The following KIAA1328 variants were observed in gnomAD, a reference collection of about 807,000 sequenced individuals.
KIAA1328 encodes KIAA1328.
KIAA1328 carries 52 observed loss-of-function variants against 68.1 expected under a neutral mutation model. The ratio of observed to expected loss-of-function variants is 0.76; its 90% CI spans 0.61 to 0.96. KIAA1328 has a LOEUF of 0.96. Ranked by LOEUF, KIAA1328 falls within the 40% of genes least tolerant of loss-of-function variation. The probability of loss-of-function intolerance (pLI) is 0.00; values close to 1 mark genes in which losing one functional copy is unlikely to be tolerated. For missense variants in KIAA1328, 641 were observed against 677.6 expected, an observed-to-expected ratio of 0.95 and a Z score of 0.60; for synonymous variants, 232 against 239.4, an observed-to-expected ratio of 0.97 and a Z score of 0.28.
intron 6 of KIAA1328, among the ~76,000 whole-genome samples, chr18:37,043,677 A>G (rs2055350367): frequency 3.9e-5 from 6 of 152,180 alleles, no homozygotes; most frequent in South Asian, 2.1e-4. Context: ...ACTTTCTGCT[A>G]TTCCTTCTCA....
chr18:37,066,607 T>C (rs1236293601), intron 6 of KIAA1328, among the ~76,000 whole-genome samples: 1 of 152,218 alleles, frequency 6.6e-6, no homozygotes, highest in Non-Finnish European at 1.5e-5. Context: ...TAACTCTCTT[T>C]ATTTGCAACT....
chr18:37,028,225 A>G (rs1457570403), intron 6 of KIAA1328, among the ~76,000 whole-genome samples: 1 of 152,130 alleles, frequency 6.6e-6, no homozygotes, highest in African/African-American at 2.4e-5. Context: ...TGTGTGTTTT[A>G]TCATTCTTAT....
At chr18:36,980,313 C>T (rs554672644) in intron 6 of KIAA1328, among the ~76,000 whole-genome samples, 1 of 152,322 alleles carries the variant, frequency 6.6e-6, no homozygotes, top group Non-Finnish European at 1.5e-5. Flanking sequence ...ATGCACACTT[C>T]TCATGCTGCA....
downstream of KIAA1328, among the ~76,000 whole-genome samples, chr18:37,228,511 A>C (rs1662904): frequency 0.4 from 61,544 of 152,032 alleles, 14,706 homozygotes; most frequent in African/African-American, 0.67. Context: ...CAAGACCCTC[A>C]GTGAGCAAAA....
At chr18:37,145,262 A>T (rs1218313701) in intron 7 of KIAA1328, among the ~76,000 whole-genome samples, 6 of 151,946 alleles carry the variant, frequency 3.9e-5, no homozygotes, top group African/African-American at 1.2e-4. Flanking sequence ...TACTAGAGAG[A>T]TTTTTCTAGA....
intron 5 of KIAA1328, among the ~76,000 whole-genome samples, chr18:36,951,745 C>T (rs942040875): frequency 1.3e-5 from 2 of 152,182 alleles, no homozygotes; most frequent in African/African-American, 4.8e-5. Flanking sequence ...CACATCTGCT[C>T]ATACATCTTG....
intron 7 of KIAA1328, among the ~76,000 whole-genome samples, chr18:37,069,068 A>C (rs541934910): frequency 1.3e-5 from 2 of 152,240 alleles, no homozygotes; most frequent in East Asian, 3.9e-4. Context: ...ACCTTTTATG[A>C]ATTTTGTCAA....
downstream of KIAA1328, among the ~76,000 whole-genome samples, chr18:37,229,402 A>G (rs1024348688): frequency 6.6e-6 from 1 of 152,200 alleles, no homozygotes; most frequent in African/African-American, 2.4e-5. Flanking sequence ...GGCCAGGTAT[A>G]CATCTATGCA....
intron 9 of KIAA1328, among the ~76,000 whole-genome samples, chr18:37,216,537 G>A (rs976633179): frequency 4.6e-5 from 7 of 152,140 alleles, no homozygotes; most frequent in Non-Finnish European, 8.8e-5. Context: ...GCTGAGGAGT[G>A]CTTTACTTCT....
At chr18:37,023,651 C>G (rs2054436041) in intron 6 of KIAA1328, among the ~76,000 whole-genome samples, 1 of 152,152 alleles carries the variant, frequency 6.6e-6, no homozygotes, top group African/African-American at 2.4e-5. Context: ...GAAGACCTGT[C>G]AACCATTGGG....
At chr18:37,076,358 C>G (rs923189772) in intron 7 of KIAA1328, among the ~76,000 whole-genome samples, 15 of 152,000 alleles carry the variant, frequency 9.9e-5, no homozygotes, top group Non-Finnish European at 1.9e-4. Context: ...ATTTATAGCA[C>G]TAAATGCCCA....
intron 9 of KIAA1328, among the ~76,000 whole-genome samples, chr18:37,189,884 TC>T (rs2059873176): frequency 6.6e-6 from 1 of 152,198 alleles, no homozygotes; most frequent in African/African-American, 2.4e-5. Flanking sequence ...TTACCTATAA[TC>T]CTACTCTACC....
At chr18:37,158,375 A>G (rs1301659541) in intron 7 of KIAA1328, among the ~76,000 whole-genome samples, 1 of 152,164 alleles carries the variant, frequency 6.6e-6, no homozygotes, top group African/African-American at 2.4e-5. Flanking sequence ...TTCCTGCAAT[A>G]GGTATTAAAG....
At chr18:36,970,152 C>T (rs1344923850) in intron 6 of KIAA1328, among the ~76,000 whole-genome samples, 8 of 152,164 alleles carry the variant, frequency 5.3e-5, no homozygotes, top group Admixed American at 1.3e-4. Flanking sequence ...GCTGGTTCAA[C>T]TTATGCAAAT....
chr18:37,173,865 C>A (rs184923577), intron 9 of KIAA1328, among the ~76,000 whole-genome samples: 9 of 152,280 alleles, frequency 5.9e-5, no homozygotes, highest in African/African-American at 1.9e-4. Context: ...AAGATTATTT[C>A]TTCCTCCTCT....
intron 7 of KIAA1328, among the ~76,000 whole-genome samples, chr18:37,069,184 C>T (rs1276974378): frequency 6.6e-6 from 1 of 151,800 alleles, no homozygotes; most frequent in African/African-American, 2.4e-5. Flanking sequence ...ATAAACCCCA[C>T]TTGGTCATAA....
chr18:36,874,807 T>C (rs774690378), intron 4 of KIAA1328, among the ~76,000 whole-genome samples: 2 of 152,244 alleles, frequency 1.3e-5, no homozygotes, highest in Non-Finnish European at 2.9e-5. Flanking sequence ...AGGGTTTTTA[T>C]GGTTTTAGGT....
rs182425077 is a variant in KIAA1328, at chr18:37,143,795, C to G, written c.1233-16405C>G. ...TTATTGATATAATCATGTGGTTTTG[C>G]TCCTTTTTTCTTTTAGTGGTACCAC... On this transcript the variant is annotated intron_variant, in intron 7 of 9. Transcript: ENST00000280020. Among the ~76,000 whole-genome samples, 75 of 151,812 alleles carry G rather than the reference C, an allele frequency of 4.9e-4. No homozygotes were observed. In the East Asian group the frequency reaches 0.012, roughly 25 times the overall value.
chr18:37,093,531 A>G (rs901128177), intron 7 of KIAA1328, among the ~76,000 whole-genome samples: 5 of 152,174 alleles, frequency 3.3e-5, no homozygotes, highest in South Asian at 2.1e-4. Flanking sequence ...AGCTTCAGCA[A>G]TAAACTAGAT....
Sources: gnomAD v4.1 joint callset for allele counts (sites outside exome capture counted in the v4.1 genomes callset) on GRCh38, gnomAD v4.1.1 for gene constraint, MANE v1.5 for transcripts, NCBI Gene and HGNC (gene_info 2026-07-23, HGNC 2026-07-21) for gene names.